The following PRKCA variants were observed in gnomAD, a reference collection of about 807,000 sequenced individuals.
PRKCA encodes the protein protein kinase C alpha, also known as protein kinase C alpha type.
In PRKCA, 27 loss-of-function variants were observed where a neutral mutation model predicts 87.0. The observed-to-expected ratio is 0.31, with a 90% CI of 0.23 to 0.43. The LOEUF (loss-of-function observed/expected upper bound fraction) is 0.43, where lower values mean the gene tolerates loss of function less well. PRKCA is among the 20% of genes least tolerant of loss of function. The pLI is 1.00. For missense variants in PRKCA, 518 were observed against 852.3 expected (o/e 0.61, Z 4.88); for synonymous variants, 329 against 311.1 (o/e 1.06, Z -0.61).
intron 2 of PRKCA, among the ~76,000 whole-genome samples, chr17:66,316,404 A>G (rs539538290): frequency 2.2e-4 from 33 of 152,334 alleles, no homozygotes; most frequent in Non-Finnish European, 4.0e-4. Flanking sequence ...TTGGAAAATA[A>G]CTTCTTGTGT....
intron 2 of PRKCA, among the ~76,000 whole-genome samples, chr17:66,487,562 G>T (rs1039889473): frequency 6.6e-6 from 1 of 152,126 alleles, no homozygotes; most frequent in African/African-American, 2.4e-5. Flanking sequence ...GGATCTTATG[G>T]TAGCTCTGTG....
At chr17:66,351,270 C>T (rs551195190) in intron 2 of PRKCA, among the ~76,000 whole-genome samples, 5 of 152,320 alleles carry the variant, frequency 3.3e-5, no homozygotes, top group South Asian at 2.1e-4. Flanking sequence ...GCTATGGGCG[C>T]GTGCCAACTG....
intron 2 of PRKCA, among the ~76,000 whole-genome samples, chr17:66,439,095 G>A (rs890762578): frequency 7.9e-5 from 12 of 152,114 alleles, no homozygotes; most frequent in Non-Finnish European, 1.5e-4. Context: ...TGTACTGAGC[G>A]CTTTATATTC....
At chr17:66,490,053 T>G (rs894228813) in intron 2 of PRKCA, among the ~76,000 whole-genome samples, 1 of 152,150 alleles carries the variant, frequency 6.6e-6, no homozygotes, top group African/African-American at 2.4e-5. Flanking sequence ...AGTGCTAGGA[T>G]TACAGGTGTG....
chr17:66,336,578 C>G (rs182356066), intron 2 of PRKCA, among the ~76,000 whole-genome samples: 1 of 121,786 alleles, frequency 8.2e-6, no homozygotes, highest in Admixed American at 7.7e-5. Flanking sequence ...TTTTCCCCCT[C>G]TCCTATTGGC....
chr17:66,548,808 GTTT>G (rs10543010), intron 3 of PRKCA, among the ~76,000 whole-genome samples: 2 of 147,656 alleles, frequency 1.4e-5, no homozygotes, highest in African/African-American at 2.5e-5. Context: ...GTTTCGGCAA[GTTT>G]TTTTTTTTTT....
At chr17:66,456,002 G>A (rs528593937) in intron 2 of PRKCA, among the ~76,000 whole-genome samples, 3 of 152,172 alleles carry the variant, frequency 2.0e-5, no homozygotes, top group East Asian at 3.9e-4. Flanking sequence ...TCCATTGACT[G>A]TTGTTCTCGT....
At chr17:66,587,512 T>C (rs949574292) in intron 3 of PRKCA, among the ~76,000 whole-genome samples, 2 of 152,094 alleles carry the variant, frequency 1.3e-5, no homozygotes, top group South Asian at 4.1e-4. Context: ...AGTAATTGGT[T>C]CGTTTTCCTA....
chr17:66,709,176 T>C (rs901390167), intron 8 of PRKCA, among the ~76,000 whole-genome samples: 8 of 152,150 alleles, frequency 5.3e-5, no homozygotes, highest in African/African-American at 1.9e-4. Context: ...ATCTGATCCC[T>C]CTCAAATTCT....
At chr17:66,305,794 T>C (rs1467074136) in intron 1 of PRKCA, among the ~76,000 whole-genome samples, 1 of 152,214 alleles carries the variant, frequency 6.6e-6, no homozygotes, top group Non-Finnish European at 1.5e-5. Flanking sequence ...GCCAACAAGT[T>C]TGAATATACA....
intron 3 of PRKCA, among the ~76,000 whole-genome samples, chr17:66,626,986 C>G (rs1422397715): frequency 6.6e-6 from 1 of 152,110 alleles, no homozygotes; most frequent in African/African-American, 2.4e-5. Flanking sequence ...TTCCAGCCAC[C>G]ATGTCATAAC....
intron 2 of PRKCA, among the ~76,000 whole-genome samples, chr17:66,481,719 A>G (rs1425376721): frequency 6.6e-6 from 1 of 152,176 alleles, no homozygotes; most frequent in African/African-American, 2.4e-5. Context: ...TAGTCCTCCC[A>G]GGCCTGCCAG....
At position 66,585,550 on chromosome 17, in the gene PRKCA, A is replaced by T. The variant is rs538325591; in HGVS notation, c.289-55805A>T. Among the ~76,000 whole-genome samples, 57 of 152,328 alleles carry T rather than the reference A, an allele frequency of 3.7e-4. 2 individuals are homozygous for T. In the South Asian group the frequency reaches 6.0e-3, roughly 16 times the overall value. On this transcript the variant is annotated intron_variant, in intron 3 of 16. Coordinates refer to ENST00000413366, the MANE Select transcript of PRKCA (RefSeq NM_002737.3). ...ATTACATTCTCAGGTATTGGGGATT[A>T]AGACTTGGGACCACTCCTTAAGCCA...
chr17:66,302,761 C>T lies in PRKCA; in HGVS notation c.-91C>T. ...CCGCGCCCCGCGCCCGGGGTCGCCCCGAGCCCGCACCTCTCCCCCGCCGCC... is the reference window on the plus strand; with the variant it reads ...CCGCGCCCCGCGCCCGGGGTCGCCCTGAGCCCGCACCTCTCCCCCGCCGCC... On this transcript the variant is annotated 5_prime_UTR_variant, in exon 1 of 17. Transcript: ENST00000413366. The T allele has an allele frequency of 8.7e-7, 1 of 1,149,988 alleles. No individual in the cohort carries two copies. The allele number at this position is 1,149,988 out of a possible 1,614,324, so 71.2% of individuals were successfully genotyped here.
At chr17:66,509,164 GTGTGTGTGTGTGTA>G (rs1207750514) in intron 3 of PRKCA, among the ~76,000 whole-genome samples, 44 of 132,186 alleles carry the variant, frequency 3.3e-4, no homozygotes, top group African/African-American at 1.4e-4. Context: ...GAAAAGGAAC[GTGTGTGTGTGTGTA>G]TGTGTGTGTG....
chr17:66,622,335 AAC>A, intron 3 of PRKCA, among the ~76,000 whole-genome samples: 1 of 152,354 alleles, frequency 6.6e-6, no homozygotes, highest in East Asian at 1.9e-4. Flanking sequence ...GATTAACAAT[AAC>A]AGAGGAAAGC....
chr17:66,757,588 A>C (rs1035595466), intron 13 of PRKCA, among the ~76,000 whole-genome samples: 1 of 149,906 alleles, frequency 6.7e-6, no homozygotes, highest in Non-Finnish European at 1.5e-5. Flanking sequence ...AAAAAAAAAA[A>C]AACGAACCTA....
intron 3 of PRKCA, among the ~76,000 whole-genome samples, chr17:66,530,788 G>A (rs937937784): frequency 6.6e-6 from 1 of 152,086 alleles, no homozygotes; most frequent in African/African-American, 2.4e-5. Flanking sequence ...CCATCAAGCT[G>A]CCTAAAATGT....
chr17:66,374,949 T>C (rs1051765051), intron 2 of PRKCA, among the ~76,000 whole-genome samples: 8 of 151,984 alleles, frequency 5.3e-5, no homozygotes, highest in Middle Eastern at 3.2e-3. Context: ...CCCAGGGTGG[T>C]CTCAAACTCC....
Sources: gnomAD v4.1 joint callset for allele counts (sites outside exome capture counted in the v4.1 genomes callset) on GRCh38, gnomAD v4.1.1 for gene constraint, MANE v1.5 for transcripts, NCBI Gene and HGNC (gene_info 2026-07-23, HGNC 2026-07-21) for gene names.